RAP1GAP2: variants seen among roughly 807,000 people sequenced by gnomAD.
RAP1GAP2 encodes RAP1 GTPase activating protein 2.
A neutral mutation model predicts 95.0 loss-of-function variants in RAP1GAP2; 27 were observed. The ratio of observed to expected loss-of-function variants is 0.28; its 90% CI spans 0.21 to 0.39. The LOEUF (loss-of-function observed/expected upper bound fraction) is 0.39. RAP1GAP2 is among the 10% of genes least tolerant of loss of function. RAP1GAP2 has a pLI of 1.00. For missense variants in RAP1GAP2, 771 were observed against 970.0 expected, an observed-to-expected ratio of 0.79 and a Z score of 2.72; for synonymous variants, 373 against 380.9, an observed-to-expected ratio of 0.98 and a Z score of 0.24.
In RAP1GAP2 at chr17:3,027,095, T is replaced by G; in HGVS notation, c.2107+25T>G. 2 of 1,558,382 alleles carry G rather than the reference T, an allele frequency of 1.3e-6. No individual in the cohort carries two copies. Among genetic ancestry groups the G allele is most frequent in the African/African-American group, 2.7e-5 (2 of 73,726 alleles). On this transcript the variant is annotated intron_variant, in intron 22 of 24. Coordinates refer to ENST00000254695, the MANE Select transcript of RAP1GAP2 (RefSeq NM_015085.5). This position sits in a 1 kb window ranked among gnomAD's most constrained non-coding sequence, Gnocchi z 5.2. Reference sequence around the variant, plus strand: ...GGTCAGTGGCATCTGGTGGTGTGTGTGACGTCACCAGGAGGGCAGGCTGTG... The same window carrying G: ...GGTCAGTGGCATCTGGTGGTGTGTGGGACGTCACCAGGAGGGCAGGCTGTG...
chr17:2,863,911 G>A (rs1056582886), intron 2 of RAP1GAP2, among the ~76,000 whole-genome samples: 3 of 152,134 alleles, frequency 2.0e-5, no homozygotes, highest in African/African-American at 4.8e-5. Flanking sequence ...AATTAGCCAG[G>A]CGTGGTGGTG....
intron 1 of RAP1GAP2, among the ~76,000 whole-genome samples, chr17:2,760,397 G>A (rs1296816433): frequency 2.0e-5 from 3 of 150,840 alleles, no homozygotes; most frequent in African/African-American, 7.3e-5. Context: ...GTGGAGTGTA[G>A]TGGCGCAATC....
chr17:2,927,370 G>A (rs997739881), intron 3 of RAP1GAP2, among the ~76,000 whole-genome samples: 38 of 151,442 alleles, frequency 2.5e-4, no homozygotes, highest in Middle Eastern at 3.4e-3. Flanking sequence ...AGCCAGGATG[G>A]TCTCGATCTC....
chr17:2,820,698 T>C (rs1272736878), intron 2 of RAP1GAP2, among the ~76,000 whole-genome samples: 1 of 151,724 alleles, frequency 6.6e-6, no homozygotes, highest in Non-Finnish European at 1.5e-5. Context: ...TCCTCACTGA[T>C]GTTTGATTTT....
At chr17:3,023,985 T>G (rs1208580334) in intron 19 of RAP1GAP2, among the ~76,000 whole-genome samples, 1 of 152,246 alleles carries the variant, frequency 6.6e-6, no homozygotes, top group African/African-American at 2.4e-5. Flanking sequence ...GGACATGAAC[T>G]CATTCTTTTT....
At chr17:2,767,723 A>G (rs988325674) in intron 1 of RAP1GAP2, among the ~76,000 whole-genome samples, 2 of 150,838 alleles carry the variant, frequency 1.3e-5, no homozygotes, top group African/African-American at 4.9e-5. Context: ...TGGATGTACC[A>G]TAATTTATTA....
intron 8 of RAP1GAP2, among the ~76,000 whole-genome samples, chr17:2,978,401 T>TA (rs1286854979): frequency 6.6e-6 from 1 of 152,018 alleles, no homozygotes; most frequent in African/African-American, 2.4e-5. Context: ...GGCTGATAAG[T>TA]GACTGATGGG....
In RAP1GAP2 at chr17:2,998,438, T is replaced by G; in HGVS notation, c.1200+62T>G. 3 of 1,567,724 alleles carry G rather than the reference T, an allele frequency of 1.9e-6. No individual in the cohort carries two copies. The South Asian group carries it at 3.4e-5, about 18-fold the overall frequency. On this transcript the variant is annotated intron_variant, in intron 14 of 24. Transcript: ENST00000254695. Reference sequence around the variant, plus strand: ...TCGACACCTCACCCTGTGTGGATGCTGTGATATCAGAGGACACTAGTCCTC... The same window carrying G: ...TCGACACCTCACCCTGTGTGGATGCGGTGATATCAGAGGACACTAGTCCTC...
intron 2 of RAP1GAP2, among the ~76,000 whole-genome samples, chr17:2,805,057 G>T (rs936589441): frequency 2.0e-4 from 31 of 152,176 alleles, no homozygotes; most frequent in Non-Finnish European, 7.3e-5. Context: ...GGGGCTCTGT[G>T]CATTACATCC....
At chr17:2,979,342 G>A (rs900812474) in intron 8 of RAP1GAP2, among the ~76,000 whole-genome samples, 1 of 151,906 alleles carries the variant, frequency 6.6e-6, no homozygotes, top group Non-Finnish European at 1.5e-5. Context: ...AATATATCCA[G>A]AAGCTGTGCT....
At chr17:2,798,592 T>A (rs2069158495) in intron 1 of RAP1GAP2, among the ~76,000 whole-genome samples, 1 of 138,548 alleles carries the variant, frequency 7.2e-6, no homozygotes, top group South Asian at 2.2e-4. Flanking sequence ...TTTTCCAAGC[T>A]CCATTGGATG....
In RAP1GAP2 at chr17:2,965,688, G is replaced by T; in HGVS notation, c.596+45G>T. 1 of 1,400,712 alleles carries T rather than the reference G, an allele frequency of 7.1e-7. No homozygotes were observed. The highest frequency in any genetic ancestry group is 9.9e-7 in the Non-Finnish European group (1 of 1,005,546). 86.8% of individuals were successfully genotyped at this position (1,400,712 alleles called of 1,614,324 possible). The stretch of plus-strand genomic sequence containing the variant: ...TGAGGCCACTTCTCTTCCAGGCAGG[G>T]CTCTCATCGGTGGTGTGGGGGCTGG... On this transcript the variant is annotated intron_variant, in intron 8 of 24. Transcript: ENST00000254695. The surrounding 1 kb of genome is among the most constrained non-coding windows in gnomAD (Gnocchi z 4.7).
intron 2 of RAP1GAP2, among the ~76,000 whole-genome samples, chr17:2,806,376 T>TTTATTATTATTATTATTA (rs4060867): frequency 0.041 from 5,705 of 139,872 alleles, 232 homozygotes; most frequent in African/African-American, 0.094. Context: ...CTACAACCTT[T>TTTATTATTATTATTATTA]TTATTATTAT....
chr17:2,847,060 G>A (rs567747818), intron 2 of RAP1GAP2, among the ~76,000 whole-genome samples: 2 of 152,184 alleles, frequency 1.3e-5, no homozygotes, highest in East Asian at 1.9e-4. Flanking sequence ...CCAGGTTGGA[G>A]TGCAGTGGCG....
intron 2 of RAP1GAP2, among the ~76,000 whole-genome samples, chr17:2,826,895 A>G (rs1388643017): frequency 3.9e-5 from 6 of 152,166 alleles, no homozygotes; most frequent in Non-Finnish European, 8.8e-5. Context: ...AGTCCCAGCT[A>G]CTTGGGAGGC....
chr17:2,875,994 A>G (rs2073080573), intron 2 of RAP1GAP2, among the ~76,000 whole-genome samples: 1 of 151,104 alleles, frequency 6.6e-6, no homozygotes, highest in East Asian at 1.9e-4. Context: ...CTGGAGTGCA[A>G]TGATGCGATC....
chr17:3,004,793 C>T lies in RAP1GAP2; in HGVS notation c.1201-576C>T, dbSNP rs1356573164. On this transcript the variant is annotated intron_variant, in intron 14 of 24. Transcript: ENST00000254695. The surrounding 1 kb of genome is among the most constrained non-coding windows in gnomAD (Gnocchi z 4.1). The stretch of plus-strand genomic sequence containing the variant: ...CCCTTCCGATTCGGCAGGTTTAGGC[C>T]AGAGCCCATGAACCCAGTCTGTATT... Among the ~76,000 whole-genome samples, 1 of 152,222 alleles carries T rather than the reference C, an allele frequency of 6.6e-6. No homozygotes were observed. The highest frequency in any genetic ancestry group is 2.4e-5 in the African/African-American group (1 of 41,460).
chr17:3,031,781 G>C (rs1321053808), intron 23 of RAP1GAP2, among the ~76,000 whole-genome samples: 1 of 148,162 alleles, frequency 6.7e-6, no homozygotes, highest in African/African-American at 2.5e-5. Flanking sequence ...AGAGCTCCAG[G>C]TCCAGATGTG....
chr17:2,851,061 G>GAAA (rs11337766), intron 2 of RAP1GAP2, among the ~76,000 whole-genome samples: 2 of 79,692 alleles, frequency 2.5e-5, no homozygotes, highest in South Asian at 3.6e-4. Flanking sequence ...AACGTCTCAA[G>GAAA]AAAAAAAAAA....
Sources: gnomAD v4.1 joint callset for allele counts (sites outside exome capture counted in the v4.1 genomes callset) on GRCh38, gnomAD v4.1.1 for gene constraint, Gnocchi (gnomAD v3.1) non-coding constraint, MANE v1.5 for transcripts, NCBI Gene and HGNC (gene_info 2026-07-23, HGNC 2026-07-21) for gene names.